The following CDH18 variants were observed in gnomAD, a reference collection of about 807,000 sequenced individuals.
The protein encoded by CDH18 is cadherin 18, also known as cadherin-18.
Under a neutral mutation model 67.9 loss-of-function variants are expected in CDH18, and 31 were observed. The observed-to-expected ratio is 0.46, with a 90% confidence interval of 0.34 to 0.62. The LOEUF (loss-of-function observed/expected upper bound fraction) is 0.62, where lower values mean the gene tolerates loss of function less well. Ranked by LOEUF, CDH18 falls within the 20% of genes least tolerant of loss-of-function variation. CDH18 has a pLI of 0.01. For synonymous variants in CDH18, 362 were observed against 347.2 expected, an observed-to-expected ratio of 1.04 and a Z score of -0.48; for missense variants, 890 against 975.5, an observed-to-expected ratio of 0.91 and a Z score of 1.17.
chr5:20,230,405 A>G (rs903787361), intron 2 of CDH18, among the ~76,000 whole-genome samples: 6 of 152,218 alleles, frequency 3.9e-5, no homozygotes, highest in Admixed American at 2.0e-4. Context: ...AAGACATTTA[A>G]CCATATCATG....
intron 1 of CDH18, among the ~76,000 whole-genome samples, chr5:20,374,978 C>T (rs1446811150): frequency 6.6e-6 from 1 of 152,054 alleles, no homozygotes; most frequent in Non-Finnish European, 1.5e-5. Context: ...GGCACACTTG[C>T]AATGTGGCTT....
At chr5:20,523,142 C>A (rs547716408) in intron 1 of CDH18, among the ~76,000 whole-genome samples, 2 of 152,282 alleles carry the variant, frequency 1.3e-5, no homozygotes, top group East Asian at 3.9e-4. Flanking sequence ...TCTTTGTAAT[C>A]TCATTTCAAT....
intron 1 of CDH18, among the ~76,000 whole-genome samples, chr5:20,373,934 G>A (rs547227421): frequency 2.6e-5 from 4 of 152,098 alleles, no homozygotes; most frequent in South Asian, 2.1e-4. Flanking sequence ...ACCAGATAAA[G>A]TACATGTATA....
chr5:20,215,452 A>G (rs1396363), intron 2 of CDH18, among the ~76,000 whole-genome samples: 1,326 of 108,126 alleles, frequency 0.012, 25 homozygotes, highest in African/African-American at 0.051. Flanking sequence ...AAATAAATAA[A>G]TAAATAAATA....
At chr5:20,291,666 T>C (rs1747112298) in intron 1 of CDH18, among the ~76,000 whole-genome samples, 2 of 152,142 alleles carry the variant, frequency 1.3e-5, no homozygotes, top group African/African-American at 2.4e-5. Context: ...TGTCAGGGAA[T>C]AGATTTTCAA....
intron 2 of CDH18, among the ~76,000 whole-genome samples, chr5:19,854,588 T>C (rs935633119): frequency 1.3e-5 from 2 of 152,030 alleles, no homozygotes; most frequent in Non-Finnish European, 2.9e-5. Flanking sequence ...GGAAATGTTA[T>C]GGTACCATAA....
chr5:19,639,608 T>C (rs1823154), intron 5 of CDH18, among the ~76,000 whole-genome samples: 6,116 of 152,274 alleles, frequency 0.04, 325 homozygotes, highest in African/African-American at 0.12. Flanking sequence ...AGTCTCTCCA[T>C]GAGCAACTGC....
chr5:19,583,421 C>A (rs1212826514), intron 7 of CDH18, among the ~76,000 whole-genome samples: 1 of 152,016 alleles, frequency 6.6e-6, no homozygotes, highest in African/African-American at 2.4e-5. Context: ...AAAGTCTTCT[C>A]TTGAAGAAGC....
At chr5:19,548,537 T>C (rs1286239639) in intron 8 of CDH18, among the ~76,000 whole-genome samples, 2 of 152,016 alleles carry the variant, frequency 1.3e-5, no homozygotes, top group African/African-American at 4.8e-5. Flanking sequence ...CTAACATTTA[T>C]GGAGCACTTG....
chr5:19,515,008 C>T (rs1468147040), intron 10 of CDH18, among the ~76,000 whole-genome samples: 4 of 151,980 alleles, frequency 2.6e-5, no homozygotes, highest in African/African-American at 7.3e-5. Flanking sequence ...TAATCCATCT[C>T]GAATTAATAT....
chr5:19,546,035 G>C (rs1157503244), intron 8 of CDH18, among the ~76,000 whole-genome samples: 1 of 152,188 alleles, frequency 6.6e-6, no homozygotes, highest in Non-Finnish European at 1.5e-5. Flanking sequence ...CTGGGAAGGG[G>C]AGTGGCATGC....
At chr5:20,244,901 T>C (rs1458102124) in intron 2 of CDH18, among the ~76,000 whole-genome samples, 1 of 152,148 alleles carries the variant, frequency 6.6e-6, no homozygotes, top group Non-Finnish European at 1.5e-5. Context: ...GTTTGTCTTT[T>C]CTTTATTCTA....
chr5:20,390,144 T>G (rs191226569), intron 1 of CDH18, among the ~76,000 whole-genome samples: 59 of 152,240 alleles, frequency 3.9e-4, no homozygotes, highest in African/African-American at 1.4e-3. Context: ...AAATGGGATC[T>G]AATTAAACTA....
intron 2 of CDH18, among the ~76,000 whole-genome samples, chr5:20,099,282 C>A (rs1268066352): frequency 6.6e-6 from 1 of 152,112 alleles, no homozygotes; most frequent in Non-Finnish European, 1.5e-5. Context: ...GATTAACAAT[C>A]CTGGCTTCTA....
At chr5:19,805,474 C>T (rs1015612864) in intron 3 of CDH18, among the ~76,000 whole-genome samples, 1 of 152,074 alleles carries the variant, frequency 6.6e-6, no homozygotes, top group African/African-American at 2.4e-5. Flanking sequence ...TATGTGTTTT[C>T]CTAACTCTTT....
chr5:20,205,376 C>T (rs540561562), intron 2 of CDH18, among the ~76,000 whole-genome samples: 1 of 151,902 alleles, frequency 6.6e-6, no homozygotes, highest in South Asian at 2.1e-4. Context: ...CAAGTATATG[C>T]AACAAACAAA....
chr5:20,081,698 A>G (rs1193533887), intron 2 of CDH18, among the ~76,000 whole-genome samples: 1 of 152,210 alleles, frequency 6.6e-6, no homozygotes, highest in Non-Finnish European at 1.5e-5. Context: ...CACGAATAGA[A>G]AACCAAATAC....
intron 5 of CDH18, among the ~76,000 whole-genome samples, chr5:19,720,861 A>G (rs2150576158): frequency 6.6e-6 from 1 of 152,324 alleles, no homozygotes; most frequent in African/African-American, 2.4e-5. Context: ...CCCAAGAAAT[A>G]GAAATCCCCC....
intron 6 of CDH18, among the ~76,000 whole-genome samples, chr5:19,592,188 GGATA>G (rs899360533): frequency 1.3e-5 from 2 of 151,758 alleles, no homozygotes; most frequent in African/African-American, 2.4e-5. Flanking sequence ...TTAGACAGAT[GGATA>G]GATAGACAGA....
Sources: allele counts gnomAD v4.1 joint callset (sites outside exome capture counted in the v4.1 genomes callset), GRCh38; gene constraint gnomAD v4.1.1; transcripts MANE v1.5; gene names NCBI Gene and HGNC (gene_info 2026-07-23, HGNC 2026-07-21).